The following NUP98 variants were observed in gnomAD, a reference collection of about 807,000 sequenced individuals.
NUP98 encodes nuclear pore complex protein Nup98-Nup96.
NUP98 carries 26 observed loss-of-function variants against 191.9 expected under a neutral mutation model. The observed-to-expected ratio is 0.14, with a 90% confidence interval of 0.10 to 0.19. The LOEUF (loss-of-function observed/expected upper bound fraction) is 0.19, where lower values mean the gene tolerates loss of function less well. Among genes scored for constraint, NUP98 ranks in the 10% least tolerant of loss-of-function variants. The pLI is 1.00. For missense variants in NUP98, 1,941 were observed against 2,178.8 expected (o/e 0.89, Z 2.17); for synonymous variants, 808 against 778.4 (o/e 1.04, Z -0.63).
At chr11:3,703,519 A>G (rs2078772330) in intron 22 of NUP98, among the ~76,000 whole-genome samples, 1 of 152,048 alleles carries the variant, frequency 6.6e-6, no homozygotes, top group Non-Finnish European at 1.5e-5. Context: ...CTTGGCCTCA[A>G]AAACTTTTAA....
chr11:3,737,491 G>C (rs953835677), intron 12 of NUP98, among the ~76,000 whole-genome samples: 3 of 152,062 alleles, frequency 2.0e-5, no homozygotes, highest in Non-Finnish European at 2.9e-5. Context: ...GCCAGGCATG[G>C]TGGTGGGCAC....
At chr11:3,688,915 CTG>C (rs1235733770) in intron 28 of NUP98, among the ~76,000 whole-genome samples, 1 of 147,374 alleles carries the variant, frequency 6.8e-6, no homozygotes, top group African/African-American at 2.5e-5. Context: ...AAAACAAAAA[CTG>C]TAAGTATTTC....
Position 3,702,650 on chromosome 11 carries a change from A to G in NUP98, c.3325T>C (p.Tyr1109His). The G allele has an allele frequency of 6.2e-7, 1 of 1,614,148 alleles. No individual in the cohort carries two copies. Reference protein sequence around the residue: ...GLVPREKSVTYGKGKLLMDMA... With the variant: ...GLVPREKSVTHGKGKLLMDMA... ...TCCATCAAGAGTTTTCCCTTGCCAT[A>G]GGTGACAGACTTTTCACGAGGGACT... is the stretch of plus-strand genomic sequence containing the variant. The change falls in exon 23 of 33, where the codon TAT becomes CAT. Residue 1109 changes from tyrosine (Y) to histidine (H), a missense_variant. By Grantham distance (83) the Tyr-to-His change is moderately conservative. Coordinates refer to ENST00000324932, the MANE Select transcript of NUP98 (RefSeq NM_016320.5).
Position 3,699,122 on chromosome 11 carries a change from G to T in NUP98, c.3969C>A (p.Gly1323=). The part of the protein sequence containing the change: ...PVEAVFSYLT[G]KRISEACSLA... ...GAGAGCAGGCCTCACTGATCCTTTTGCCTGTGAGGTAGCTGAATACAGCCT... is the reference window on the plus strand; with the variant it reads ...GAGAGCAGGCCTCACTGATCCTTTTTCCTGTGAGGTAGCTGAATACAGCCT... Residue 1323 remains glycine (G), a synonymous_variant, in exon 25 of 33, where the codon GGC becomes GGA. Coordinates refer to ENST00000324932, the MANE Select transcript of NUP98 (RefSeq NM_016320.5). The T allele has an allele frequency of 1.9e-6, 3 of 1,613,448 alleles. No individual in the cohort carries two copies. The highest frequency in any genetic ancestry group is 2.5e-6 in the Non-Finnish European group (3 of 1,180,020).
At chr11:3,782,293 A>G in intron 1 of NUP98, 148 bp from the exon 2 acceptor site, 1 of 502,740 alleles carries the variant, frequency 2.0e-6, no homozygotes, top group Non-Finnish European at 3.5e-6. Context: ...GATAAAATAA[A>G]CCTTGTAAAA....
chr11:3,702,889 C>T lies in NUP98; in HGVS notation c.3086G>A (p.Gly1029Asp). Reference protein sequence around the residue: ...SHSSKTRSLVGGLLQSKFTSG... With the variant: ...SHSSKTRSLVDGLLQSKFTSG... ...TGTAAATTTTGATTGTAGTAACCCA[C>T]CAACTGAAATGAAGCGGGAATGAAG... Residue 1029 changes from glycine to aspartate, a missense_variant, in exon 23 of 33, where the codon GGT becomes GAT. Gly to Asp is a moderately conservative substitution (Grantham distance 94, BLOSUM62 -1). This residue lies in a region of NUP98 where 1,030 missense variants were observed against 1,115.8 expected (regional missense o/e 0.92). Coordinates refer to ENST00000324932, the MANE Select transcript of NUP98 (RefSeq NM_016320.5). 3 of 1,602,366 alleles carry T rather than the reference C, an allele frequency of 1.9e-6. No homozygotes were observed. The highest frequency in any genetic ancestry group is 2.2e-5 in the East Asian group (1 of 44,684).
intron 19 of NUP98, 101 bp from the exon 20 acceptor site, chr11:3,712,829 A>G: frequency 8.0e-7 from 1 of 1,252,434 alleles, no homozygotes; most frequent in Non-Finnish European, 1.1e-6. Flanking sequence ...AAGAAAGAAA[A>G]GGGGAGAAAT....
chr11:3,775,658 C>T (rs991874340), intron 5 of NUP98, among the ~76,000 whole-genome samples: 11 of 151,904 alleles, frequency 7.2e-5, no homozygotes, highest in African/African-American at 2.4e-4. Context: ...TTTATGAATA[C>T]AAATTTTATT....
intron 11 of NUP98, among the ~76,000 whole-genome samples, chr11:3,747,000 GA>G (rs2080530793): frequency 6.6e-6 from 1 of 152,008 alleles, no homozygotes; most frequent in African/African-American, 2.4e-5. Flanking sequence ...TATTGCAATG[GA>G]AAAATAGGTA....
chr11:3,791,099 G>T (rs915623445), intron 1 of NUP98, among the ~76,000 whole-genome samples: 1 of 151,926 alleles, frequency 6.6e-6, no homozygotes, highest in African/African-American at 2.4e-5. Flanking sequence ...TTTTCACCGT[G>T]TTAGCCAGGA....
intron 14 of NUP98, among the ~76,000 whole-genome samples, chr11:3,728,484 C>A (rs1347340384): frequency 2.0e-5 from 3 of 152,180 alleles, no homozygotes; most frequent in Admixed American, 6.5e-5. Flanking sequence ...GCCTGTAATC[C>A]CAGCACTTTG....
At chr11:3,739,010 A>G (rs2080179985) in intron 12 of NUP98, among the ~76,000 whole-genome samples, 1 of 152,118 alleles carries the variant, frequency 6.6e-6, no homozygotes, top group Admixed American at 6.6e-5. Context: ...AGTACCTTCA[A>G]CTAAGATTCC....
At chr11:3,693,201 A>G in intron 27 of NUP98, 31 bp downstream of exon 27, 3 of 1,611,272 alleles carry the variant, frequency 1.9e-6, no homozygotes, top group Non-Finnish European at 2.5e-6. Context: ...ACCCAGCAAG[A>G]TTTTTGCTTG....
At chr11:3,712,797 T>C in intron 19 of NUP98, 69 bp from the exon 20 acceptor site, 2 of 1,498,598 alleles carry the variant, frequency 1.3e-6, no homozygotes, top group Non-Finnish European at 9.1e-7. Flanking sequence ...CTTTGCAATC[T>C]TGCAGCATTA....
chr11:3,746,655 G>A (rs1444985571), intron 11 of NUP98, among the ~76,000 whole-genome samples: 1 of 151,840 alleles, frequency 6.6e-6, no homozygotes, highest in East Asian at 1.9e-4. Context: ...GCTCACGCCT[G>A]TAATCCTAGC....
At chr11:3,746,413 A>G (rs886890744) in intron 11 of NUP98, among the ~76,000 whole-genome samples, 3 of 151,856 alleles carry the variant, frequency 2.0e-5, no homozygotes, top group African/African-American at 7.3e-5. Flanking sequence ...TTTACAGCAC[A>G]AACTACAGAA....
intron 13 of NUP98, 70 bp from the exon 14 acceptor site, chr11:3,731,648 A>C (rs1339474530): frequency 1.4e-5 from 15 of 1,056,306 alleles, no homozygotes; most frequent in Non-Finnish European, 2.0e-5. Context: ...TAAAAATCAC[A>C]AGACCAGATT....
chr11:3,701,903 G>A (rs1009055605), intron 23 of NUP98, among the ~76,000 whole-genome samples: 2 of 151,492 alleles, frequency 1.3e-5, no homozygotes, highest in African/African-American at 4.8e-5. Flanking sequence ...TAGCCAGGAT[G>A]GTCTCAATCT....
At chr11:3,751,829 A>G (rs550080002) in intron 11 of NUP98, among the ~76,000 whole-genome samples, 1 of 152,188 alleles carries the variant, frequency 6.6e-6, no homozygotes, top group South Asian at 2.1e-4. Context: ...AATGCACTCC[A>G]CCCTGGGTAA....
Sources: gnomAD v4.1 joint callset for allele counts (sites outside exome capture counted in the v4.1 genomes callset) on GRCh38, gnomAD v4.1.1 for gene constraint, gnomAD v4.1.1 regional missense constraint, MANE v1.5 for transcripts, NCBI Gene and HGNC (gene_info 2026-07-23, HGNC 2026-07-21) for gene names.